FGF13: variants seen among roughly 807,000 people sequenced by gnomAD.
The protein encoded by FGF13 is fibroblast growth factor 13.
Under a neutral mutation model 19.5 loss-of-function variants are expected in FGF13, and 2 were observed. The observed-to-expected ratio is 0.10, with a 90% CI of 0.04 to 0.32. FGF13 has a LOEUF of 0.32. Ranked by LOEUF, FGF13 falls within the 10% of genes least tolerant of loss-of-function variation. The probability of loss-of-function intolerance (pLI) is 1.00; values close to 1 mark genes in which losing one functional copy is unlikely to be tolerated. For missense variants in FGF13, 113 were observed against 192.7 expected (o/e 0.59, Z 2.45); for synonymous variants, 72 against 76.9 (o/e 0.94, Z 0.33).
At chrX:138,776,350 T>C (rs2090587639) in intron 3 of FGF13, among the ~76,000 whole-genome samples, 1 of 112,588 alleles carries the variant, frequency 8.9e-6, no homozygotes, top group South Asian at 3.7e-4. Flanking sequence ...TTATTTAATA[T>C]CTCGTAAGAA....
intron 1 of FGF13, among the ~76,000 whole-genome samples, chrX:139,113,405 C>A (rs185953593): frequency 6.5e-4 from 73 of 111,972 alleles, no homozygotes; most frequent in Non-Finnish European, 1.1e-3. Context: ...AAGCCTATGA[C>A]CTCTTGGCTA....
At chrX:139,199,868 C>T (rs1327569075) in intron 1 of FGF13, among the ~76,000 whole-genome samples, 1 of 112,184 alleles carries the variant, frequency 8.9e-6, no homozygotes, top group East Asian at 2.8e-4. Context: ...GATACAGTAC[C>T]CCTAACCCAT....
rs773433842 is a variant in FGF13 at position 138,782,045 on chromosome X, C to A, written c.218-73117G>T. Among the ~76,000 whole-genome samples the A allele has an allele frequency of 2.7e-5, 3 of 111,610 alleles. No homozygotes were observed. In the East Asian group the frequency reaches 8.4e-4, roughly 31 times the overall value. On this transcript the variant is annotated intron_variant, in intron 3 of 6. Transcript: ENST00000436198. ...ATGTAATCCAGCATATAAACAGAACCAAAGACAAAAACCACATGATTATCT... is the reference window on the plus strand; with the variant it reads ...ATGTAATCCAGCATATAAACAGAACAAAAGACAAAAACCACATGATTATCT...
intron 1 of FGF13, among the ~76,000 whole-genome samples, chrX:139,042,211 T>C (rs1053383599): frequency 1.2e-4 from 13 of 112,307 alleles, no homozygotes; most frequent in African/African-American, 3.6e-4. Context: ...GTCTATAGAA[T>C]AGTGCTGTTG....
chrX:138,979,649 C>A (rs559726056), intron 1 of FGF13, among the ~76,000 whole-genome samples: 1 of 110,565 alleles, frequency 9.0e-6, no homozygotes, highest in Middle Eastern at 4.7e-3. Flanking sequence ...GCAAGATCCT[C>A]TGGGGTACCA....
intron 1 of FGF13, among the ~76,000 whole-genome samples, chrX:138,924,201 T>C (rs2091660780): frequency 9.0e-6 from 1 of 111,698 alleles, no homozygotes; most frequent in Non-Finnish European, 1.9e-5. Flanking sequence ...TCCAAGGGGG[T>C]ATGTTCACTT....
In FGF13 at chrX:138,622,476, A is replaced by T; in HGVS notation, c.*10374T>A. On this transcript the variant is annotated 3_prime_UTR_variant, in exon 5 of 5. Coordinates refer to ENST00000315930, the MANE Select transcript of FGF13 (RefSeq NM_004114.5). Reference sequence around the variant, plus strand: ...AAATATAACAAAGGCCATATATATGACAAACTCACATCTAACGTGATAGTC... The same window carrying T: ...AAATATAACAAAGGCCATATATATGTCAAACTCACATCTAACGTGATAGTC... The T allele has an allele frequency of 8.9e-6, 1 of 112,307 alleles. No individual in the cohort carries two copies. Among genetic ancestry groups the T allele is most frequent in the East Asian group, 2.8e-4 (1 of 3,565 alleles). 9.3% of individuals were successfully genotyped at this position (112,307 alleles called of 1,213,427 possible).
intron 3 of FGF13, among the ~76,000 whole-genome samples, chrX:138,682,682 G>T (rs765497473): frequency 2.7e-5 from 3 of 111,656 alleles, no homozygotes; most frequent in African/African-American, 9.8e-5. Flanking sequence ...AGGATCTCTG[G>T]GCATAGCAGA....
intron 1 of FGF13, among the ~76,000 whole-genome samples, chrX:138,938,084 G>T (rs2091740798): frequency 9.0e-6 from 1 of 111,256 alleles, no homozygotes; most frequent in African/African-American, 3.3e-5. Context: ...GGATGAGGGT[G>T]ACAACATAGG....
chrX:139,032,854 T>C (rs781740431), intron 1 of FGF13, among the ~76,000 whole-genome samples: 3 of 109,395 alleles, frequency 2.7e-5, no homozygotes, highest in Non-Finnish European at 3.8e-5. Context: ...GTTAATAACC[T>C]TGCAGTCTCA....
chrX:139,203,928 C>T, upstream of FGF13: 2 of 632,229 alleles, frequency 3.2e-6, no homozygotes, highest in Admixed American at 2.9e-5. Context: ...CCTTTTCTCC[C>T]GGGGTCGCAG....
At chrX:138,773,024 T>A (rs2090559754) in intron 3 of FGF13, among the ~76,000 whole-genome samples, 1 of 106,888 alleles carries the variant, frequency 9.4e-6, no homozygotes, top group Non-Finnish European at 1.9e-5. Context: ...TGATGGCTGG[T>A]CTATATTTAG....
chrX:138,892,032 G>GTGTGTGTGTGTGTGTGTGTA lies in FGF13; in HGVS notation c.-112-27383_-112-27382insTACACACACACACACACACA, dbSNP rs1569419135. On this transcript the variant is annotated intron_variant, in intron 1 of 2. Coordinates refer to the FGF13 transcript ENST00000421460. ...TGTGTGTGTGTGTGTGTGTGTGTGT[G>GTGTGTGTGTGTGTGTGTGTA]TATTATCTCCTACTAGTTCTGTCCC... is the stretch of plus-strand genomic sequence containing the variant. 1.4e-3 allele frequency among the ~76,000 whole-genome samples: 154 copies of GTGTGTGTGTGTGTGTGTGTA among 108,329 alleles called. 1 individual carries two copies. The highest frequency in any genetic ancestry group is 4.6e-3 in the African/African-American group (135 of 29,197). The allele number at this position is 108,329 out of a possible 115,157, so 94.1% of individuals were successfully genotyped here.
chrX:139,111,030 A>AT (rs1449815476), intron 1 of FGF13, among the ~76,000 whole-genome samples: 1 of 111,580 alleles, frequency 9.0e-6, no homozygotes, highest in Non-Finnish European at 1.9e-5. Flanking sequence ...CACCCCATAG[A>AT]TTTTGTAAGT....
chrX:139,136,205 A>T (rs1306604525), intron 1 of FGF13, among the ~76,000 whole-genome samples: 1 of 107,740 alleles, frequency 9.3e-6, no homozygotes, highest in Non-Finnish European at 2.0e-5. Flanking sequence ...TTTTCAATAT[A>T]TTTTTTTATT....
chrX:138,720,339 GT>G (rs2090139394), intron 1 of FGF13, among the ~76,000 whole-genome samples: 1 of 111,925 alleles, frequency 8.9e-6, no homozygotes. Flanking sequence ...ATTGTACTTT[GT>G]TTACTCTTTT....
chrX:138,948,047 G>C (rs1303754384), intron 1 of FGF13, among the ~76,000 whole-genome samples: 2 of 111,486 alleles, frequency 1.8e-5, no homozygotes, highest in East Asian at 5.7e-4. Flanking sequence ...CTAGCATCAA[G>C]AACTGTGAGG....
chrX:138,690,336 A>G (rs1191591008), intron 3 of FGF13, among the ~76,000 whole-genome samples: 2 of 111,389 alleles, frequency 1.8e-5, no homozygotes, highest in Non-Finnish European at 3.8e-5. Context: ...TCAGGAAATT[A>G]TATCTCTATG....
chrX:139,119,154 A>T (rs766656345), intron 1 of FGF13, among the ~76,000 whole-genome samples: 60 of 112,064 alleles, frequency 5.4e-4, no homozygotes, highest in Non-Finnish European at 9.4e-4. Flanking sequence ...TGATTGTGCC[A>T]CTGCACTCCC....
Sources: gnomAD v4.1 joint callset for allele counts (sites outside exome capture counted in the v4.1 genomes callset) on GRCh38, gnomAD v4.1.1 for gene constraint, MANE v1.5 for transcripts, NCBI Gene and HGNC (gene_info 2026-07-23, HGNC 2026-07-21) for gene names.